Variants in AFDN observed in about 807,000 individuals in gnomAD.
AFDN encodes the protein afadin.
Under a neutral mutation model 216.6 loss-of-function variants are expected in AFDN, and 68 were observed. The ratio of observed to expected loss-of-function variants is 0.31; its 90% CI spans 0.26 to 0.38. The LOEUF (loss-of-function observed/expected upper bound fraction) is 0.38. Ranked by LOEUF, AFDN falls within the 10% of genes least tolerant of loss-of-function variation. AFDN has a pLI of 1.00. For missense variants in AFDN, 2,136 were observed against 2,342.0 expected (o/e 0.91, Z 1.82); for synonymous variants, 868 against 853.7 (o/e 1.02, Z -0.29).
chr6:167,937,832 C>T (rs1478452968), intron 23 of AFDN, among the ~76,000 whole-genome samples: 4 of 152,282 alleles, frequency 2.6e-5, no homozygotes, highest in East Asian at 3.9e-4. Flanking sequence ...ATGGGCATAT[C>T]GGTTGCTTCT....
chr6:167,958,389 T>C (rs1796722414), intron 30 of AFDN, among the ~76,000 whole-genome samples: 1 of 152,232 alleles, frequency 6.6e-6, no homozygotes. Context: ...ACGAGAGTTT[T>C]CTGAATTCAT....
chr6:167,849,199 T>A (rs1782024411), intron 1 of AFDN, among the ~76,000 whole-genome samples: 1 of 152,216 alleles, frequency 6.6e-6, no homozygotes, highest in South Asian at 2.1e-4. Flanking sequence ...ATGTTTAGCA[T>A]AAGGCAGGCA....
intron 31 of AFDN, chr6:167,963,615 A>T: frequency 3.8e-6 from 4 of 1,058,938 alleles, no homozygotes; most frequent in Non-Finnish European, 4.6e-6. Flanking sequence ...TAATGTAAGG[A>T]CACTCACCTC....
chr6:167,849,921 A>G (rs1454599595), intron 1 of AFDN, among the ~76,000 whole-genome samples: 1 of 152,198 alleles, frequency 6.6e-6, no homozygotes, highest in Admixed American at 6.5e-5. Flanking sequence ...ATCCTCCTAA[A>G]CAGCTTGACC....
At position 167,970,049 on chromosome 6, in the gene AFDN, A is replaced by C. The variant is rs1216379845; in HGVS notation, c.*114A>C. ...GGGGTTATATTTCTAAGTGATTTAC[A>C]ATTTCTGTTTCTAAAATTGTTGGGA... On this transcript the variant is annotated 3_prime_UTR_variant, in exon 34 of 34. Transcript: ENST00000683244. 1 of 824,028 alleles carries C rather than the reference A, an allele frequency of 1.2e-6. No homozygotes were observed. The highest frequency in any genetic ancestry group is 1.8e-6 in the Non-Finnish European group (1 of 559,732). The allele number at this position is 824,028 out of a possible 1,614,324, so 51.0% of individuals were successfully genotyped here.
At chr6:167,839,467 G>A (rs1346829232) in intron 1 of AFDN, among the ~76,000 whole-genome samples, 1 of 152,032 alleles carries the variant, frequency 6.6e-6, no homozygotes, top group Non-Finnish European at 1.5e-5. Flanking sequence ...CATTCAGACT[G>A]GTATTTATTG....
At chr6:167,858,748 A>G (rs1783188404) in intron 1 of AFDN, among the ~76,000 whole-genome samples, 1 of 152,212 alleles carries the variant, frequency 6.6e-6, no homozygotes, top group African/African-American at 2.4e-5. Flanking sequence ...AGTTGCTCTC[A>G]GTTGCTTGTT....
intron 29 of AFDN, 43 bp downstream of exon 29, chr6:167,948,521 G>A (rs370658592): frequency 2.4e-4 from 372 of 1,562,494 alleles, no homozygotes; most frequent in Middle Eastern, 8.7e-4. Context: ...ACCTCTCAAG[G>A]AGGACACACT....
Position 167,886,196 on chromosome 6 carries a change from G to A in AFDN, c.898-3019G>A, listed in dbSNP as rs181864202. On this transcript the variant is annotated intron_variant, in intron 6 of 33. Coordinates refer to ENST00000683244, the MANE Select transcript of AFDN (RefSeq NM_001386888.1). ...AATACAGCAAAGCTCATTTCATTGG[G>A]ATGGGAGAAGAGAGATAAGCATGGG... is the stretch of plus-strand genomic sequence containing the variant. 1.3e-3 allele frequency among the ~76,000 whole-genome samples: 202 copies of A among 152,226 alleles called. 1 individual carries two copies. The highest frequency in any genetic ancestry group is 4.5e-3 in the African/African-American group (188 of 41,530).
At chr6:167,872,077 A>G in intron 3 of AFDN, 137 bp from the exon 4 acceptor site, 3 of 770,972 alleles carry the variant, frequency 3.9e-6, no homozygotes, top group South Asian at 3.8e-5. Flanking sequence ...GACCATTCTC[A>G]TTACTCCAGA....
chr6:167,860,159 C>CTT lies in AFDN; in HGVS notation c.106-4365_106-4364dup, dbSNP rs370176215. Among the ~76,000 whole-genome samples the CTT allele has an allele frequency of 7.7e-4, 61 of 79,400 alleles. 2 individuals are homozygous for CTT. The highest frequency in any genetic ancestry group is 4.1e-3 in the East Asian group (7 of 1,690). 52.1% of individuals were successfully genotyped at this position (79,400 alleles called of 152,430 possible). On this transcript the variant is annotated intron_variant, in intron 1 of 33. Transcript: ENST00000683244. Reference sequence around the variant, plus strand: ...TAGGTATTAAGTACCTACAGCAATGCTTTTTTTTTTTTTTTTTTTTTTTTT... The same window carrying CTT: ...TAGGTATTAAGTACCTACAGCAATGCTTTTTTTTTTTTTTTTTTTTTTTTTTT...
intron 15 of AFDN, among the ~76,000 whole-genome samples, chr6:167,913,134 T>C (rs1005142306): frequency 5.3e-5 from 8 of 152,218 alleles, no homozygotes; most frequent in African/African-American, 1.4e-4. Flanking sequence ...TGTGTGTTTA[T>C]GGTAACATCA....
intron 30 of AFDN, chr6:167,954,514 C>T (rs1796308796): frequency 6.3e-7 from 1 of 1,598,250 alleles, no homozygotes; most frequent in Non-Finnish European, 8.5e-7. Flanking sequence ...GTTTCTTTCC[C>T]TTTGGTACTT....
At chr6:167,870,615 C>G in intron 3 of AFDN, 117 bp downstream of exon 3, 3 of 523,088 alleles carry the variant, frequency 5.7e-6, no homozygotes, top group Non-Finnish European at 1.0e-5. Flanking sequence ...CTTTATAAAC[C>G]CTTTTACCCT....
intron 6 of AFDN, among the ~76,000 whole-genome samples, chr6:167,883,327 A>G (rs1478989440): frequency 2.0e-5 from 3 of 152,254 alleles, no homozygotes; most frequent in Admixed American, 6.5e-5. Flanking sequence ...TCTAAAATAA[A>G]CAAATAGCCA....
chr6:167,900,239 G>A (rs1313433966), intron 11 of AFDN, among the ~76,000 whole-genome samples: 1 of 152,176 alleles, frequency 6.6e-6, no homozygotes, highest in Non-Finnish European at 1.5e-5. Context: ...AAACGATTGT[G>A]ACAGATTCTG....
intron 23 of AFDN, among the ~76,000 whole-genome samples, chr6:167,929,564 G>T (rs1793017769): frequency 6.6e-6 from 1 of 152,206 alleles, no homozygotes; most frequent in Non-Finnish European, 1.5e-5. Context: ...GAAGGTGAAG[G>T]TAGTTGTCCC....
intron 23 of AFDN, among the ~76,000 whole-genome samples, chr6:167,930,334 T>C (rs1793127818): frequency 6.6e-6 from 1 of 152,242 alleles, no homozygotes; most frequent in Admixed American, 6.5e-5. Context: ...GTGAGATGTC[T>C]ATGATCTTAG....
In AFDN at chr6:167,870,343, T is replaced by C. The variant is rs376100774; in HGVS notation, c.302-43T>C. ...GCTTGTATTAGCTAGTTCTATGAAA[T>C]AACCATAGCTTATTCTTTTTTTCAT... On this transcript the variant is annotated intron_variant, in intron 2 of 33. Transcript: ENST00000683244. 79 of 1,287,778 alleles carry C rather than the reference T, an allele frequency of 6.1e-5. No homozygotes were observed. The South Asian group carries it at 9.5e-4, about 15-fold the overall frequency. The allele number at this position is 1,287,778 out of a possible 1,614,324, so 79.8% of individuals were successfully genotyped here.
Sources: allele counts gnomAD v4.1 joint callset (sites outside exome capture counted in the v4.1 genomes callset), GRCh38; gene constraint gnomAD v4.1.1; transcripts MANE v1.5; gene names NCBI Gene and HGNC (gene_info 2026-07-23, HGNC 2026-07-21).